SVEP1: variants seen among roughly 807,000 people sequenced by gnomAD.
The protein encoded by SVEP1 is sushi, von Willebrand factor type A, EGF and pentraxin domain-containing protein 1.
SVEP1 carries 164 observed loss-of-function variants against 367.3 expected under a neutral mutation model. The ratio of observed to expected loss-of-function variants is 0.45; its 90% CI spans 0.39 to 0.51. SVEP1 has a LOEUF of 0.51. Ranked by LOEUF, SVEP1 falls within the 20% of genes least tolerant of loss-of-function variation. The pLI is 0.00. For synonymous variants in SVEP1, 1,666 were observed against 1,611.6 expected, an observed-to-expected ratio of 1.03 and a Z score of -0.81; for missense variants, 4,117 against 4,425.3, an observed-to-expected ratio of 0.93 and a Z score of 1.98.
rs796619853 is a variant in SVEP1, at chr9:110,445,334, T to TA, written c.4463+502dup. ...CCCTGGAGTTGGAATTAGTGGATTC[T>TA]AAAAAAAATATGCACACTGAGTTTG... On this transcript the variant is annotated intron_variant, in intron 26 of 47. Transcript: ENST00000374469. Among the ~76,000 whole-genome samples the TA allele has an allele frequency of 7.2e-4, 110 of 152,016 alleles. 1 individual carries two copies. Among genetic ancestry groups the TA allele is most frequent in the African/African-American group, 2.4e-3 (98 of 41,454 alleles).
intron 7 of SVEP1, among the ~76,000 whole-genome samples, chr9:110,497,911 G>T (rs1424017562): frequency 3.9e-5 from 6 of 151,932 alleles, no homozygotes; most frequent in African/African-American, 1.5e-4. Flanking sequence ...TTTCTCAAAG[G>T]GGCTTATACT....
intron 1 of SVEP1, among the ~76,000 whole-genome samples, chr9:110,567,877 T>C (rs1830510390): frequency 6.6e-6 from 1 of 152,176 alleles, no homozygotes. Flanking sequence ...TGGAGATGAC[T>C]CTGCCTATTT....
At chr9:110,531,288 C>T (rs1331665180) in intron 3 of SVEP1, among the ~76,000 whole-genome samples, 2 of 152,084 alleles carry the variant, frequency 1.3e-5, no homozygotes, top group East Asian at 3.9e-4. Context: ...ATTTGTAAAC[C>T]TCAAGTTTTA....
intron 3 of SVEP1, among the ~76,000 whole-genome samples, chr9:110,524,164 G>A: frequency 6.6e-6 from 1 of 152,052 alleles, no homozygotes; most frequent in East Asian, 1.9e-4. Flanking sequence ...ATTTTAAAAT[G>A]TCCAAAAAAT....
At chr9:110,449,953 G>C (rs1369664096) in intron 24 of SVEP1, 106 bp downstream of exon 24, 1 of 1,306,762 alleles carries the variant, frequency 7.7e-7, no homozygotes, top group Non-Finnish European at 1.1e-6. Context: ...GCCAGCATTT[G>C]AGAATGACTG....
chr9:110,411,125 T>C lies in SVEP1; in HGVS notation c.6586A>G (p.Ile2196Val), dbSNP rs368227463. The change falls in exon 37 of 48, where the codon ATA becomes GTA. Residue 2196 changes from isoleucine (I) to valine (V), a missense_variant. This residue lies in a region of SVEP1 where 1,765 missense variants were observed against 1,781.1 expected (regional missense o/e 0.99). Coordinates refer to ENST00000374469, the MANE Select transcript of SVEP1 (RefSeq NM_153366.4). ...CAAGATACCGGGTGGCACGTCGGTA[T>C]AGGACTACTCCACTGCCCTGTGGCT... Reference protein sequence around the residue: ...CEATGQWSSPIPTCHPVSCGE... With the variant: ...CEATGQWSSPVPTCHPVSCGE... 4 of 1,613,452 alleles carry C rather than the reference T, an allele frequency of 2.5e-6. No homozygotes were observed. In the African/African-American group the frequency reaches 4.0e-5, roughly 16 times the overall value.
intron 3 of SVEP1, among the ~76,000 whole-genome samples, chr9:110,536,760 A>T (rs1830084727): frequency 6.6e-6 from 1 of 151,852 alleles, no homozygotes; most frequent in Non-Finnish European, 1.5e-5. Context: ...GGTTTGTTAC[A>T]TATGTATACA....
intron 7 of SVEP1, 36 bp downstream of exon 7, chr9:110,499,005 A>C: frequency 6.3e-7 from 1 of 1,579,944 alleles, no homozygotes; most frequent in Non-Finnish European, 8.6e-7. Flanking sequence ...AATATTAAAA[A>C]ATTTGATTTT....
chr9:110,524,638 A>T (rs183448930), intron 3 of SVEP1, among the ~76,000 whole-genome samples: 236 of 152,254 alleles, frequency 1.6e-3, no homozygotes, highest in African/African-American at 5.5e-3. Flanking sequence ...AAACTCTCAG[A>T]AAAGTAGTAA....
chr9:110,507,258 G>C (rs180943774), intron 5 of SVEP1, among the ~76,000 whole-genome samples: 2 of 152,128 alleles, frequency 1.3e-5, no homozygotes, highest in Non-Finnish European at 2.9e-5. Context: ...TTGAGACTCC[G>C]GGTGGGATAT....
chr9:110,521,484 T>C (rs911107799), intron 3 of SVEP1, among the ~76,000 whole-genome samples: 2 of 152,156 alleles, frequency 1.3e-5, no homozygotes, highest in Non-Finnish European at 2.9e-5. Context: ...GACAAGTCTA[T>C]CAAAAAACAA....
chr9:110,424,657 T>A (rs1404382955), intron 36 of SVEP1, among the ~76,000 whole-genome samples: 1 of 152,148 alleles, frequency 6.6e-6, no homozygotes, highest in African/African-American at 2.4e-5. Context: ...ATAGAGAGAA[T>A]TTTATTTTTT....
intron 25 of SVEP1, 35 bp from the exon 26 acceptor site, chr9:110,446,073 A>C: frequency 1.3e-6 from 2 of 1,552,764 alleles, no homozygotes; most frequent in Non-Finnish European, 1.7e-6. Flanking sequence ...AGACTGTGGC[A>C]CTTGAAAGAC....
intron 3 of SVEP1, among the ~76,000 whole-genome samples, chr9:110,535,768 C>CA: frequency 6.6e-6 from 1 of 152,000 alleles, no homozygotes. Context: ...CTTTTTGTGG[C>CA]AATTGTGAAT....
At chr9:110,439,107 T>A (rs959202321) in intron 27 of SVEP1, among the ~76,000 whole-genome samples, 1 of 152,200 alleles carries the variant, frequency 6.6e-6, no homozygotes, top group Non-Finnish European at 1.5e-5. Flanking sequence ...CAAATTTATA[T>A]GTTGAAGCCC....
At position 110,574,743 on chromosome 9, in the gene SVEP1, C is replaced by CTTTT. The variant is rs1163833465; in HGVS notation, c.531+4266_531+4269dup. The stretch of plus-strand genomic sequence containing the variant: ...ACAGGGACTGAGTCCAGTCGACCTT[C>CTTTT]TTTTTTTTTTTTTTTTTTTTTTTGA... On this transcript the variant is annotated intron_variant, in intron 1 of 47. Transcript: ENST00000374469. Among the ~76,000 whole-genome samples, 222 of 84,702 alleles carry CTTTT rather than the reference C, an allele frequency of 2.6e-3. 1 individual carries two copies. The highest frequency in any genetic ancestry group is 3.2e-3 in the Non-Finnish European group (136 of 41,910). The allele number at this position is 84,702 out of a possible 152,430, so 55.6% of individuals were successfully genotyped here. A position where few individuals can be genotyped will look rare whatever the true frequency, so the allele number is the denominator to read the frequency against.
At chr9:110,377,906 ACT>A (rs778207006) in intron 44 of SVEP1, among the ~76,000 whole-genome samples, 148 of 140,600 alleles carry the variant, frequency 1.1e-3, no homozygotes, top group Non-Finnish European at 1.9e-3. Context: ...ACCACCATCT[ACT>A]CTCTGCTTCT....
At chr9:110,396,611 T>TAAAC (rs201303803) in intron 40 of SVEP1, among the ~76,000 whole-genome samples, 1 of 146,230 alleles carries the variant, frequency 6.8e-6, no homozygotes, top group Admixed American at 6.8e-5. Context: ...GCAAGACTAA[T>TAAAC]AAGAAAAGAG....
chr9:110,413,712 A>G (rs974897733), intron 36 of SVEP1, among the ~76,000 whole-genome samples: 1 of 151,962 alleles, frequency 6.6e-6, no homozygotes. Context: ...TGTTCTGTCA[A>G]TGAGATAGAA....
Sources: allele counts gnomAD v4.1 joint callset (sites outside exome capture counted in the v4.1 genomes callset), GRCh38; gene constraint gnomAD v4.1.1; regional missense constraint gnomAD v4.1.1; transcripts MANE v1.5; gene names NCBI Gene and HGNC (gene_info 2026-07-23, HGNC 2026-07-21).